The following NEMP2 variants were observed in gnomAD, a reference collection of about 807,000 sequenced individuals.
The protein encoded by NEMP2 is nuclear envelope integral membrane protein 2, also known as UPF0571 transmembrane protein.
In NEMP2, 53 loss-of-function variants were observed where a neutral mutation model predicts 54.2. The observed-to-expected ratio is 0.98, with a 90% confidence interval of 0.78 to 1.23. NEMP2 has a LOEUF of 1.23. Ranked by LOEUF, NEMP2 falls within the 50% of genes most tolerant of loss-of-function variation. The pLI, the probability that NEMP2 is intolerant of heterozygous loss-of-function variation, is 0.00. For missense variants in NEMP2, 455 were observed against 511.3 expected, an observed-to-expected ratio of 0.89 and a Z score of 1.06; for synonymous variants, 197 against 190.3, an observed-to-expected ratio of 1.04 and a Z score of -0.29.
rs1414897578 is a variant in NEMP2, at chr2:190,506,553, A to T, written c.*2636T>A. 1.3e-5 allele frequency: 2 copies of T among 152,244 alleles called. No homozygotes were observed. The highest frequency in any genetic ancestry group is 2.4e-5 in the African/African-American group (1 of 41,464). The allele number at this position is 152,244 out of a possible 1,614,324, so 9.4% of individuals were successfully genotyped here. On this transcript the variant is annotated 3_prime_UTR_variant, in exon 9 of 9. Coordinates refer to ENST00000409150, the MANE Select transcript of NEMP2 (RefSeq NM_001142645.2). This position sits in a 1 kb window ranked among gnomAD's most constrained non-coding sequence, Gnocchi z 6.3. Reference sequence around the variant, plus strand: ...TTTCCAGATTTTTTTAAAAAGTCATAAATTGAAATATTGTCCTTCATGTCA... The same window carrying T: ...TTTCCAGATTTTTTTAAAAAGTCATTAATTGAAATATTGTCCTTCATGTCA...
chr2:190,518,862 G>A, intron 3 of NEMP2, 54 bp from the exon 4 acceptor site: 1 of 1,515,420 alleles, frequency 6.6e-7, no homozygotes, highest in African/African-American at 1.4e-5. Flanking sequence ...TCAATGTAAT[G>A]TTGGTAAAAG....
chr2:190,467,048 A>T, the NEMP2 span, among the ~76,000 whole-genome samples: 2 of 152,216 alleles, frequency 1.3e-5, no homozygotes, highest in African/African-American at 4.8e-5. This position sits in a 1 kb window ranked among gnomAD's most constrained non-coding sequence, Gnocchi z 5.5. Context: ...CCTGATTCAG[A>T]GGTGGGCTCA....
At chr2:190,480,336 T>C in the NEMP2 span, among the ~76,000 whole-genome samples, 9 of 152,230 alleles carry the variant, frequency 5.9e-5, no homozygotes, top group African/African-American at 2.2e-4. Context: ...ACACTATTAA[T>C]GCTTGTTGTT....
the NEMP2 span, among the ~76,000 whole-genome samples, chr2:190,478,103 A>C: frequency 1.3e-5 from 2 of 152,198 alleles, no homozygotes; most frequent in African/African-American, 4.8e-5. Flanking sequence ...CAGGGATATT[A>C]TCCCAGGATT....
rs1690718086 is a variant in NEMP2, at chr2:190,520,507, A to G, written c.214-1324T>C. On this transcript the variant is annotated intron_variant, in intron 2 of 8. Coordinates refer to ENST00000409150, the MANE Select transcript of NEMP2 (RefSeq NM_001142645.2). This position sits in a 1 kb window ranked among gnomAD's most constrained non-coding sequence, Gnocchi z 5.4. ...AGCTTTGAATCTCAGGCATCAGGTA[A>G]TATCACTCACTATCTATCTACCAAC... Among the ~76,000 whole-genome samples the G allele has an allele frequency of 6.6e-6, 1 of 152,192 alleles. No homozygotes were observed. The highest frequency in any genetic ancestry group is 1.5e-5 in the Non-Finnish European group (1 of 68,042).
the NEMP2 span, among the ~76,000 whole-genome samples, chr2:190,422,228 T>G: frequency 6.6e-6 from 1 of 152,232 alleles, no homozygotes; most frequent in African/African-American, 2.4e-5. Context: ...TCAGGTGTAT[T>G]GGTATTCTAC....
the NEMP2 span, among the ~76,000 whole-genome samples, chr2:190,643,438 T>C: frequency 6.6e-6 from 1 of 152,322 alleles, no homozygotes; most frequent in South Asian, 2.1e-4. Flanking sequence ...ATCTGTTTAA[T>C]GGTCCAGACA....
Position 190,510,581 on chromosome 2 carries a change from C to T in NEMP2, c.954-44G>A. Reference sequence around the variant, plus strand: ...TTGCAGGATTACTTCCTAATTCAATCCTTAAGATTTACAAAAATAGGCCAG... The same window carrying T: ...TTGCAGGATTACTTCCTAATTCAATTCTTAAGATTTACAAAAATAGGCCAG... On this transcript the variant is annotated intron_variant, in intron 7 of 8. Coordinates refer to ENST00000409150, the MANE Select transcript of NEMP2 (RefSeq NM_001142645.2). The surrounding 1 kb of genome is among the most constrained non-coding windows in gnomAD (Gnocchi z 5.7). 6.5e-7 allele frequency: 1 copy of T among 1,545,316 alleles called. No individual in the cohort carries two copies. Among genetic ancestry groups the T allele is most frequent in the Non-Finnish European group, 8.8e-7 (1 of 1,141,780 alleles).
the NEMP2 span, among the ~76,000 whole-genome samples, chr2:190,589,828 G>T: frequency 1.3e-5 from 2 of 152,164 alleles, no homozygotes; most frequent in African/African-American, 4.8e-5. This position sits in a 1 kb window ranked among gnomAD's most constrained non-coding sequence, Gnocchi z 4.3. Context: ...TACCTGTTTG[G>T]TCTGCCACTT....
At chr2:190,627,618 T>A in the NEMP2 span, among the ~76,000 whole-genome samples, 1 of 151,944 alleles carries the variant, frequency 6.6e-6, no homozygotes, top group Non-Finnish European at 1.5e-5. This position sits in a 1 kb window ranked among gnomAD's most constrained non-coding sequence, Gnocchi z 4.4. Flanking sequence ...CCTTAACATC[T>A]TCCCAGATTG....
At chr2:190,463,945 G>A in the NEMP2 span, 1 of 952,750 alleles carries the variant, frequency 1.0e-6, no homozygotes, top group Middle Eastern at 5.4e-4. The surrounding 1 kb of genome is among the most constrained non-coding windows in gnomAD (Gnocchi z 4.4). Context: ...GCAGACTGTA[G>A]ACTGTGCTCC....
At chr2:190,645,425 C>T in the NEMP2 span, among the ~76,000 whole-genome samples, 1 of 152,114 alleles carries the variant, frequency 6.6e-6, no homozygotes, top group Non-Finnish European at 1.5e-5. Context: ...ACAATTTACA[C>T]ACTGCTTCAA....
the NEMP2 span, among the ~76,000 whole-genome samples, chr2:190,605,446 G>T: frequency 1.3e-5 from 2 of 151,696 alleles, no homozygotes; most frequent in Non-Finnish European, 2.9e-5. Flanking sequence ...GCAATCTCAG[G>T]TCACTGCAAC....
At chr2:190,446,312 G>A in the NEMP2 span, among the ~76,000 whole-genome samples, 1 of 152,156 alleles carries the variant, frequency 6.6e-6, no homozygotes, top group African/African-American at 2.4e-5. Flanking sequence ...GTGGATGGAC[G>A]CAGGGTGTAT....
chr2:190,646,631 C>T, the NEMP2 span: 2 of 152,236 alleles, frequency 1.3e-5, no homozygotes, highest in Admixed American at 1.3e-4. Context: ...AAATGCCATT[C>T]TTAATGTGGG....
At chr2:190,635,224 T>C in the NEMP2 span, among the ~76,000 whole-genome samples, 3 of 148,200 alleles carry the variant, frequency 2.0e-5, no homozygotes, top group African/African-American at 7.8e-5. The surrounding 1 kb of genome is among the most constrained non-coding windows in gnomAD (Gnocchi z 4.1). Context: ...ATCTGCAATC[T>C]TTTTTTTAAG....
the NEMP2 span, among the ~76,000 whole-genome samples, chr2:190,496,217 A>G: frequency 6.6e-6 from 1 of 152,208 alleles, no homozygotes; most frequent in Non-Finnish European, 1.5e-5. This position sits in a 1 kb window ranked among gnomAD's most constrained non-coding sequence, Gnocchi z 4.7. Context: ...CAAATGGCCA[A>G]CAAACATGAA....
At chr2:190,577,272 T>C in the NEMP2 span, among the ~76,000 whole-genome samples, 1 of 152,222 alleles carries the variant, frequency 6.6e-6, no homozygotes, top group Non-Finnish European at 1.5e-5. The surrounding 1 kb of genome is among the most constrained non-coding windows in gnomAD (Gnocchi z 4.8). Flanking sequence ...AAGAAAATAA[T>C]CAAATCTGTT....
chr2:190,587,952 G>A, the NEMP2 span, among the ~76,000 whole-genome samples: 1 of 152,118 alleles, frequency 6.6e-6, no homozygotes, highest in South Asian at 2.1e-4. This position sits in a 1 kb window ranked among gnomAD's most constrained non-coding sequence, Gnocchi z 5.4. Context: ...CATCTACACT[G>A]AGCATGAAAG....
Sources: gnomAD v4.1 joint callset for allele counts (sites outside exome capture counted in the v4.1 genomes callset) on GRCh38, gnomAD v4.1.1 for gene constraint, Gnocchi (gnomAD v3.1) non-coding constraint, MANE v1.5 for transcripts, NCBI Gene and HGNC (gene_info 2026-07-23, HGNC 2026-07-21) for gene names.